FRMD6: variants seen among roughly 807,000 people sequenced by gnomAD.
FRMD6 encodes FERM domain containing 6.
In FRMD6, 37 loss-of-function variants were observed where a neutral mutation model predicts 73.2. The ratio of observed to expected loss-of-function variants is 0.51; its 90% CI spans 0.39 to 0.66. FRMD6 has a LOEUF of 0.66. Among genes scored for constraint, FRMD6 ranks in the 30% least tolerant of loss-of-function variants. The pLI is 0.00. For synonymous variants in FRMD6, 273 were observed against 282.2 expected (o/e 0.97, Z 0.33); for missense variants, 714 against 780.5 (o/e 0.91, Z 1.02).
At chr14:51,675,453 A>G (rs1441944004) in intron 1 of FRMD6, among the ~76,000 whole-genome samples, 4 of 152,178 alleles carry the variant, frequency 2.6e-5, no homozygotes, top group Non-Finnish European at 5.9e-5. Flanking sequence ...GAATCTGTAC[A>G]TGAAAATGAC....
At chr14:51,493,212 G>T (rs945707436) in intron 1 of FRMD6, among the ~76,000 whole-genome samples, 2 of 152,104 alleles carry the variant, frequency 1.3e-5, no homozygotes, top group Non-Finnish European at 2.9e-5. Context: ...TATCACTTTA[G>T]ATTTTTCAAA....
At chr14:51,658,286 C>G (rs1305166801) in intron 1 of FRMD6, among the ~76,000 whole-genome samples, 2 of 152,124 alleles carry the variant, frequency 1.3e-5, no homozygotes, top group African/African-American at 4.8e-5. Context: ...TGTACCTCTG[C>G]CCTCCATACA....
In FRMD6 at chr14:51,539,675, T is replaced by C. The variant is rs1413727192; in HGVS notation, c.-209-30673T>C. 2.0e-5 allele frequency among the ~76,000 whole-genome samples: 3 copies of C among 152,154 alleles called. 1 individual carries two copies. Among genetic ancestry groups the C allele is most frequent in the Admixed American group, 2.0e-4 (3 of 15,272 alleles). Reference sequence around the variant, plus strand: ...TGGGAGAGCAGAGGCATTGAGTATGTAGCCAGTAACGTGGTTCCCCCAACC... The same window carrying C: ...TGGGAGAGCAGAGGCATTGAGTATGCAGCCAGTAACGTGGTTCCCCCAACC... On this transcript the variant is annotated intron_variant, in intron 1 of 14. Coordinates refer to the FRMD6 transcript ENST00000356218.
At chr14:51,634,818 G>A (rs1166021762) in intron 2 of FRMD6, among the ~76,000 whole-genome samples, 1 of 152,146 alleles carries the variant, frequency 6.6e-6, no homozygotes, top group African/African-American at 2.4e-5. Context: ...CCACATAACT[G>A]CTTCAAGCTT....
At chr14:51,465,909 A>C in the FRMD6 span, among the ~76,000 whole-genome samples, 2 of 152,230 alleles carry the variant, frequency 1.3e-5, no homozygotes, top group Non-Finnish European at 2.9e-5. Flanking sequence ...TGTACCATTT[A>C]ATCTTCTACC....
At chr14:51,625,135 C>G (rs949393771) in intron 2 of FRMD6, among the ~76,000 whole-genome samples, 1 of 152,142 alleles carries the variant, frequency 6.6e-6, no homozygotes, top group East Asian at 1.9e-4. Context: ...ATAGTATGAG[C>G]CAGAAGGGAG....
chr14:51,444,500 A>G, the FRMD6 span, among the ~76,000 whole-genome samples: 36,915 of 152,108 alleles, frequency 0.24, 4,793 homozygotes, highest in African/African-American at 0.31. Flanking sequence ...TAACGAATCC[A>G]TTGTTAGCAA....
intron 1 of FRMD6, among the ~76,000 whole-genome samples, chr14:51,514,717 G>A (rs750706270): frequency 3.1e-4 from 47 of 151,998 alleles, no homozygotes; most frequent in African/African-American, 8.5e-4. Flanking sequence ...GCATGGTGGC[G>A]CATACCTGTA....
intron 2 of FRMD6, among the ~76,000 whole-genome samples, chr14:51,619,588 G>C (rs1277324698): frequency 1.3e-5 from 2 of 152,104 alleles, no homozygotes; most frequent in Non-Finnish European, 2.9e-5. Flanking sequence ...GAAAGTACCA[G>C]AGACAGATGA....
the FRMD6 span, among the ~76,000 whole-genome samples, chr14:51,400,594 A>C: frequency 2.6e-5 from 4 of 152,154 alleles, no homozygotes; most frequent in African/African-American, 7.2e-5. Context: ...TCTCTTTTGT[A>C]ATTCCATTGG....
intron 1 of FRMD6, among the ~76,000 whole-genome samples, chr14:51,520,333 C>G (rs1420236308): frequency 6.6e-6 from 1 of 152,182 alleles, no homozygotes; most frequent in South Asian, 2.1e-4. Context: ...TTCTCACACA[C>G]TGCTGATAGG....
intron 2 of FRMD6, among the ~76,000 whole-genome samples, chr14:51,584,573 C>T (rs1053622426): frequency 1.3e-5 from 2 of 152,110 alleles, no homozygotes; most frequent in African/African-American, 2.4e-5. Context: ...CTGTATGGAA[C>T]CTTGTGTAAC....
the FRMD6 span, among the ~76,000 whole-genome samples, chr14:51,418,973 G>T: frequency 3.1e-4 from 47 of 152,314 alleles, no homozygotes; most frequent in South Asian, 3.5e-3. Context: ...GTGGGCTTGG[G>T]ATCCACCAAG....
chr14:51,526,941 T>C (rs1435157292), intron 1 of FRMD6, among the ~76,000 whole-genome samples: 1 of 152,224 alleles, frequency 6.6e-6, no homozygotes, highest in Non-Finnish European at 1.5e-5. Context: ...GACATATTAC[T>C]AAATACCTGG....
chr14:51,585,268 C>T (rs1283705299), intron 2 of FRMD6, among the ~76,000 whole-genome samples: 2 of 152,180 alleles, frequency 1.3e-5, no homozygotes, highest in Non-Finnish European at 2.9e-5. Context: ...ATCTGAGTCT[C>T]TCCCCAGTAA....
chr14:51,489,352 G>A (rs969460032), exon 1 of FRMD6: 2 of 152,630 alleles, frequency 1.3e-5, no homozygotes, highest in Non-Finnish European at 2.9e-5. Context: ...GGCAGGAGCT[G>A]AAGATTAATG....
intron 2 of FRMD6, among the ~76,000 whole-genome samples, chr14:51,646,198 G>T (rs1367996818): frequency 6.6e-6 from 1 of 151,334 alleles, no homozygotes; most frequent in Admixed American, 6.6e-5. Flanking sequence ...CGCGCCTGTA[G>T]TCTCGGCTAC....
intron 2 of FRMD6, chr14:51,638,072 G>C (rs141815113): frequency 1.3e-5 from 2 of 152,380 alleles, no homozygotes; most frequent in East Asian, 1.9e-4. Context: ...CAGCCCAGGA[G>C]TTTGAGACCA....
At chr14:51,668,375 C>T (rs761621323) in intron 1 of FRMD6, among the ~76,000 whole-genome samples, 5 of 151,950 alleles carry the variant, frequency 3.3e-5, no homozygotes, top group African/African-American at 4.8e-5. Flanking sequence ...TGCATAATTT[C>T]GGCTCACTGC....
Sources: allele counts gnomAD v4.1 joint callset (sites outside exome capture counted in the v4.1 genomes callset), GRCh38; gene constraint gnomAD v4.1.1; transcripts MANE v1.5; gene names NCBI Gene and HGNC (gene_info 2026-07-23, HGNC 2026-07-21).